Variants in RAB44 observed in about 807,000 individuals in gnomAD.
The protein encoded by RAB44 is RAB44, member RAS oncogene family.
In RAB44, 67 loss-of-function variants were observed where a neutral mutation model predicts 93.3. The ratio of observed to expected loss-of-function variants is 0.72; its 90% confidence interval spans 0.59 to 0.88. RAB44 has a LOEUF of 0.88. Ranked by LOEUF, RAB44 falls within the 40% of genes least tolerant of loss-of-function variation. The pLI, the probability that RAB44 is intolerant of heterozygous loss-of-function variation, is 0.00. For missense variants in RAB44, 1,064 were observed against 1,261.7 expected, an observed-to-expected ratio of 0.84 and a Z score of 2.37; for synonymous variants, 427 against 520.3, an observed-to-expected ratio of 0.82 and a Z score of 2.44.
At chr6:36,725,706 G>C (rs984187084) in intron 9 of RAB44, 156 bp from the exon 10 acceptor site, 1 of 618,510 alleles carries the variant, frequency 1.6e-6, no homozygotes, top group Admixed American at 2.3e-5. Context: ...GTGGGTCCTC[G>C]AGTATGGATG....
chr6:36,700,431 T>C (rs770112799), intron 1 of RAB44, among the ~76,000 whole-genome samples: 7 of 152,164 alleles, frequency 4.6e-5, no homozygotes, highest in Non-Finnish European at 1.0e-4. Context: ...AGTGAGTCTT[T>C]CTTTTAATTT....
At position 36,704,366 on chromosome 6, in the gene RAB44, C is replaced by G; in HGVS notation, c.131C>G (p.Ala44Gly). ...APEPESWSSQ[A>G]AAELQAFFQD... ...GAGCCAGAGTCTTGGTCCTCTCAGG[C>G]AGCGGCAGAACTGCAGGCCTTCTTC... Residue 44 changes from alanine (A) to glycine (G), a missense_variant, in exon 2 of 14, where the codon GCA becomes GGA. Coordinates refer to ENST00000612677, the MANE Select transcript of RAB44 (RefSeq NM_001257357.2). 1 of 1,536,126 alleles carries G rather than the reference C, an allele frequency of 6.5e-7. No individual in the cohort carries two copies.
Position 36,715,633 on chromosome 6 carries a change from G to A in RAB44, c.474G>A (p.Gly158=), listed in dbSNP as rs771741256. Residue 158 remains glycine (G), a synonymous_variant, in exon 4 of 14, where the codon GGG becomes GGA. Transcript: ENST00000612677. ...EAFLAFMEQL[G]TGHLLPKQME... ...TCCTTGCCTTCATGGAGCAGCTGGG[G>A]ACTGGACACTTACTTCCCAAGTAAG... 4.4e-5 allele frequency: 68 copies of A among 1,536,136 alleles called. No individual in the cohort carries two copies. The South Asian group carries it at 7.5e-4, about 17-fold the overall frequency.
rs1454356710 is a variant in RAB44 at position 36,726,013 on chromosome 6, A to G, written c.2681+70A>G. The G allele has an allele frequency of 4.8e-6, 6 of 1,244,824 alleles. No homozygotes were observed. The Admixed American group carries it at 1.2e-4, about 25-fold the overall frequency. 77.1% of individuals were successfully genotyped at this position (1,244,824 alleles called of 1,614,324 possible). ...GTAGGGGTGCAGAGGGACAGGGAGC[A>G]GCCCTAATAACACAGGCAGGAGGCA... is the stretch of plus-strand genomic sequence containing the variant. On this transcript the variant is annotated intron_variant, in intron 10 of 13. Coordinates refer to ENST00000612677, the MANE Select transcript of RAB44 (RefSeq NM_001257357.2).
intron 9 of RAB44, among the ~76,000 whole-genome samples, chr6:36,724,502 T>G (rs1763184031): frequency 6.6e-6 from 1 of 152,146 alleles, no homozygotes; most frequent in Non-Finnish European, 1.5e-5. Context: ...ACTGACCACC[T>G]CCCATGCACT....
chr6:36,721,197 C>T lies in RAB44; in HGVS notation c.1063C>T (p.Pro355Ser). The T allele has an allele frequency of 8.1e-6, 10 of 1,234,336 alleles. No individual in the cohort carries two copies. The highest frequency in any genetic ancestry group is 1.0e-5 in the Non-Finnish European group (10 of 988,132). The allele number at this position is 1,234,336 out of a possible 1,614,324, so 76.5% of individuals were successfully genotyped here. ...EKTPDPQAASPEEAPLPGLFG... is the reference protein window; with the variant it reads ...EKTPDPQAASSEEAPLPGLFG... ...GACCCCAGACCCTCAGGCTGCCTCC[C>T]CTGAGGAGGCCCCCCTGCCTGGGCT... Residue 355 changes from proline (P) to serine (S), a missense_variant, in exon 9 of 14, where the codon CCT (proline) becomes TCT (serine). Physicochemically the swap from Pro to Ser is moderately conservative, Grantham distance 74. Transcript: ENST00000612677.
chr6:36,717,207 T>TC lies in RAB44; in HGVS notation c.495-62dup, dbSNP rs940218283. On this transcript the variant is annotated intron_variant, in intron 4 of 13. Transcript: ENST00000612677. The surrounding 1 kb of genome is among the most constrained non-coding windows in gnomAD (Gnocchi z 4.1). Reference sequence around the variant, plus strand: ...TGCAGTGAAAACTGAGGAGTGGGGCTCCCCTTGCTTCTCCATCCCACCTTG... The same window carrying TC: ...TGCAGTGAAAACTGAGGAGTGGGGCTCCCCCTTGCTTCTCCATCCCACCTTG... 269 of 1,224,142 alleles carry TC rather than the reference T, an allele frequency of 2.2e-4. No homozygotes were observed. Among genetic ancestry groups the TC allele is most frequent in the Non-Finnish European group, 2.7e-4 (261 of 981,342 alleles). 75.8% of individuals were successfully genotyped at this position (1,224,142 alleles called of 1,614,324 possible). A position where few individuals can be genotyped will look rare whatever the true frequency, so the allele number is the denominator to read the frequency against.
Position 36,704,315 on chromosome 6 carries a change from A to G in RAB44, c.80A>G (p.Asp27Gly), listed in dbSNP as rs559148492. ...NRRRQTREPADGEGAAVAPEP... is the reference protein window; with the variant it reads ...NRRRQTREPAGGEGAAVAPEP... Reference sequence around the variant, plus strand: ...CGGCGGCAGACAAGAGAGCCAGCTGATGGTGAAGGCGCTGCAGTGGCCCCA... The same window carrying G: ...CGGCGGCAGACAAGAGAGCCAGCTGGTGGTGAAGGCGCTGCAGTGGCCCCA... The change falls in exon 2 of 14, where the codon GAT becomes GGT. Residue 27 changes from aspartate to glycine, a missense_variant. Transcript: ENST00000612677. The G allele has an allele frequency of 1.6e-4, 247 of 1,536,150 alleles. 2 individuals are homozygous for G. In the African/African-American group the frequency reaches 2.8e-3, roughly 17 times the overall value.
At chr6:36,725,042 A>C (rs968628156) in intron 9 of RAB44, among the ~76,000 whole-genome samples, 1 of 152,214 alleles carries the variant, frequency 6.6e-6, no homozygotes, top group Non-Finnish European at 1.5e-5. Context: ...AGAATTGAAG[A>C]CCTGGTTCAG....
intron 2 of RAB44, among the ~76,000 whole-genome samples, chr6:36,710,371 G>A (rs1762750726): frequency 6.6e-6 from 1 of 152,156 alleles, no homozygotes; most frequent in Admixed American, 6.5e-5. Flanking sequence ...CGTAGCATGT[G>A]TCCAAATGTT....
intron 2 of RAB44, 70 bp downstream of exon 2, chr6:36,704,512 C>T: frequency 4.9e-6 from 7 of 1,425,048 alleles, no homozygotes; most frequent in Non-Finnish European, 6.7e-6. Flanking sequence ...TCTCCCCCAT[C>T]ACAGGAAGGC....
At position 36,722,445 on chromosome 6, in the gene RAB44, C is replaced by G; in HGVS notation, c.2311C>G (p.Gln771Glu). The change falls in exon 9 of 14, where the codon CAG becomes GAG. Residue 771 changes from glutamine to glutamate, a missense_variant. Gln to Glu is a conservative substitution (Grantham distance 29). Transcript: ENST00000612677. ...PTQTPPTMAE[Q>E]EAQPRPSLTT... ...GCAAACCCCTCCCACCATGGCTGAG[C>G]AGGAAGCCCAACCCAGGCCATCCCT... 1 of 1,437,746 alleles carries G rather than the reference C, an allele frequency of 7.0e-7. No individual in the cohort carries two copies. Among genetic ancestry groups the G allele is most frequent in the Non-Finnish European group, 9.1e-7 (1 of 1,099,402 alleles). 89.1% of individuals were successfully genotyped at this position (1,437,746 alleles called of 1,614,324 possible). A position where few individuals can be genotyped will look rare whatever the true frequency, so the allele number is the denominator to read the frequency against.
At chr6:36,714,951 C>T (rs1158389380) in intron 3 of RAB44, among the ~76,000 whole-genome samples, 4 of 152,158 alleles carry the variant, frequency 2.6e-5, no homozygotes, top group Admixed American at 2.0e-4. Flanking sequence ...CTCTGGAGTC[C>T]ACATGGTTTG....
At position 36,704,418 on chromosome 6, in the gene RAB44, C is replaced by T; in HGVS notation, c.183C>T (p.Gly61=). 1 of 1,535,802 alleles carries T rather than the reference C, an allele frequency of 6.5e-7. No homozygotes were observed. The highest frequency in any genetic ancestry group is 8.7e-7 in the Non-Finnish European group (1 of 1,146,842). Residue 61 remains glycine (G), a synonymous_variant, in exon 2 of 14, where the codon GGC becomes GGT. Transcript: ENST00000612677. Reference sequence around the variant, plus strand: ...AGGACTGTGGTGCCAAGGAGAGGGGCTTTGTCACCCGCGAGGACCTGGCGG... The same window carrying T: ...AGGACTGTGGTGCCAAGGAGAGGGGTTTTGTCACCCGCGAGGACCTGGCGG... The part of the protein sequence containing the change: ...FFQDCGAKER[G]FVTREDLAVA...
In RAB44 at chr6:36,722,331, G is replaced by A; in HGVS notation, c.2197G>A (p.Gly733Ser). ...ATPQAQVEAE[G>S]PTPGKSAPPR... is the part of the protein sequence containing the mutation. ...ACCACAGGCTCAGGTGGAAGCAGAA[G>A]GCCCCACTCCTGGAAAATCGGCACC... The change falls in exon 9 of 14, where the codon GGC (glycine) becomes AGC (serine). Residue 733 changes from glycine (G) to serine (S), a missense_variant. Gly to Ser is a moderately conservative substitution (Grantham distance 56, BLOSUM62 0). Coordinates refer to ENST00000612677, the MANE Select transcript of RAB44 (RefSeq NM_001257357.2). The A allele has an allele frequency of 3.7e-6, 5 of 1,337,452 alleles. No homozygotes were observed. Among genetic ancestry groups the A allele is most frequent in the Non-Finnish European group, 2.9e-6 (3 of 1,045,668 alleles). The allele number at this position is 1,337,452 out of a possible 1,614,324, so 82.8% of individuals were successfully genotyped here. A position where few individuals can be genotyped will look rare whatever the true frequency, so the allele number is the denominator to read the frequency against.
Position 36,717,183 on chromosome 6 carries a change from G to C in RAB44, c.495-90G>C. 1 of 1,182,738 alleles carries C rather than the reference G, an allele frequency of 8.5e-7. No homozygotes were observed. Among genetic ancestry groups the C allele is most frequent in the Non-Finnish European group, 1.1e-6 (1 of 943,672 alleles). 73.3% of individuals were successfully genotyped at this position (1,182,738 alleles called of 1,614,324 possible). ...AGGTGCCAAAGTCTCTTGGAGCGCTGCAGTGAAAACTGAGGAGTGGGGCTC... is the reference window on the plus strand; with the variant it reads ...AGGTGCCAAAGTCTCTTGGAGCGCTCCAGTGAAAACTGAGGAGTGGGGCTC... On this transcript the variant is annotated intron_variant, in intron 4 of 13. Transcript: ENST00000612677. The surrounding 1 kb of genome is among the most constrained non-coding windows in gnomAD (Gnocchi z 4.1).
rs1481641473 is a variant in RAB44 at position 36,728,692 on chromosome 6, G to A, written c.2797-8G>A. The A allele has an allele frequency of 4.5e-6, 7 of 1,549,870 alleles. No individual in the cohort carries two copies. The highest frequency in any genetic ancestry group is 6.1e-6 in the Non-Finnish European group (7 of 1,146,308). On this transcript the variant is annotated splice_polypyrimidine_tract_variant and splice_region_variant and intron_variant, in intron 11 of 13. Transcript: ENST00000612677. ...GGGTGTGGCTGACAGAACATGTTCT[G>A]TGTGCAGGATGCAGGGTCGGATGGG...
In RAB44 at chr6:36,721,286, C is replaced by G; in HGVS notation, c.1152C>G (p.Ala384=). 8.1e-7 allele frequency: 1 copy of G among 1,234,242 alleles called. No homozygotes were observed. The highest frequency in any genetic ancestry group is 1.0e-6 in the Non-Finnish European group (1 of 988,110). 76.5% of individuals were successfully genotyped at this position (1,234,242 alleles called of 1,614,324 possible). Residue 384 remains alanine (A), a synonymous_variant, in exon 9 of 14, where the codon GCC becomes GCG. Coordinates refer to ENST00000612677, the MANE Select transcript of RAB44 (RefSeq NM_001257357.2). ...ACTTTGGCAGCCCTCCGCACGGAGC[C>G]CTGCAGCTCTGCTGGAGCCCGCCCC... is the stretch of plus-strand genomic sequence containing the variant. ...LSNFGSPPHG[A]LQLCWSPPPT...
intron 9 of RAB44, among the ~76,000 whole-genome samples, chr6:36,723,286 G>T (rs1163354242): frequency 6.6e-6 from 1 of 152,212 alleles, no homozygotes; most frequent in East Asian, 1.9e-4. Context: ...ATCCTCATCT[G>T]CATAATGGGG....
Sources: gnomAD v4.1 joint callset for allele counts (sites outside exome capture counted in the v4.1 genomes callset) on GRCh38, gnomAD v4.1.1 for gene constraint, Gnocchi (gnomAD v3.1) non-coding constraint, MANE v1.5 for transcripts, NCBI Gene and HGNC (gene_info 2026-07-23, HGNC 2026-07-21) for gene names.